The following SENP6 variants were observed in gnomAD, a reference collection of about 807,000 sequenced individuals.
SENP6 encodes sentrin-specific protease 6.
A neutral mutation model predicts 134.5 loss-of-function variants in SENP6; 41 were observed. The ratio of observed to expected loss-of-function variants is 0.30; its 90% confidence interval spans 0.24 to 0.40. The LOEUF is 0.40. Among genes scored for constraint, SENP6 ranks in the 10% least tolerant of loss-of-function variants. The pLI is 1.00. For missense variants in SENP6, 1,248 were observed against 1,312.5 expected (o/e 0.95, Z 0.76); for synonymous variants, 395 against 429.8 (o/e 0.92, Z 1.00).
chr6:75,605,457 A>G (rs1350163353), intron 1 of SENP6, among the ~76,000 whole-genome samples: 1 of 152,260 alleles, frequency 6.6e-6, no homozygotes, highest in Non-Finnish European at 1.5e-5. Context: ...GAAATAAACC[A>G]GATGATAAAC....
intron 18 of SENP6, among the ~76,000 whole-genome samples, chr6:75,699,354 C>CTTT (rs71544060): frequency 0.17 from 20,019 of 114,396 alleles, 2,469 homozygotes; most frequent in African/African-American, 0.29. Flanking sequence ...TTTGTTTTTG[C>CTTT]TTTTTTTTTT....
intron 16 of SENP6, among the ~76,000 whole-genome samples, chr6:75,686,185 A>G (rs989213780): frequency 6.6e-6 from 1 of 151,046 alleles, no homozygotes; most frequent in African/African-American, 2.4e-5. Context: ...CTGTTGGTTT[A>G]AAGTCTGTTT....
rs759766969 is a variant in SENP6 at position 75,713,601 on chromosome 6, C to T, written c.2978+20C>T. On this transcript the variant is annotated intron_variant, in intron 22 of 23. Coordinates refer to ENST00000447266, the MANE Select transcript of SENP6 (RefSeq NM_015571.4). Reference sequence around the variant, plus strand: ...AAGAGAGTAAGTTCACACTTTATTTCGTATTCTGATGGGGATGAAGAACTA... The same window carrying T: ...AAGAGAGTAAGTTCACACTTTATTTTGTATTCTGATGGGGATGAAGAACTA... 37 of 1,609,324 alleles carry T rather than the reference C, an allele frequency of 2.3e-5. No homozygotes were observed. The highest frequency in any genetic ancestry group is 6.7e-5 in the Admixed American group (4 of 59,926).
chr6:75,602,560 G>C lies in SENP6; in HGVS notation c.36G>C (p.Glu12Asp), dbSNP rs1236863823. 1 of 1,551,558 alleles carries C rather than the reference G, an allele frequency of 6.4e-7. No homozygotes were observed. The highest frequency in any genetic ancestry group is 2.0e-5 in the Admixed American group (1 of 50,992). The change falls in exon 1 of 24, where the codon GAG becomes GAC. Residue 12 changes from glutamate (E) to aspartate (D), a missense_variant. Physicochemically the swap from Glu to Asp is conservative, Grantham distance 45 (BLOSUM62 2). Around this residue, in one of 3 missense-constraint regions of SENP6, gnomAD observed 733 missense variants for 725.4 expected, o/e 1.01. Transcript: ENST00000447266. ...AAGKSGGSAG[E>D]ITFLEALARS... ...GCAAGAGCGGCGGTAGCGCAGGGGA[G>C]ATTACTTTTCTGGAAGGTACGTCTG...
intron 3 of SENP6, among the ~76,000 whole-genome samples, chr6:75,627,834 G>T (rs529469701): frequency 6.6e-6 from 1 of 152,016 alleles, no homozygotes; most frequent in African/African-American, 2.4e-5. Flanking sequence ...GTGCCACCAC[G>T]CCCGGCTAAT....
intron 1 of SENP6, among the ~76,000 whole-genome samples, chr6:75,615,806 G>C (rs561317978): frequency 8.2e-4 from 125 of 152,314 alleles, no homozygotes; most frequent in African/African-American, 2.9e-3. Flanking sequence ...AAAGAAATTA[G>C]TGGCGAAGCC....
chr6:75,691,669 A>T (rs1774281478), intron 16 of SENP6, among the ~76,000 whole-genome samples: 1 of 151,120 alleles, frequency 6.6e-6, no homozygotes, highest in Non-Finnish European at 1.5e-5. Flanking sequence ...GCGCGATCTC[A>T]GCTCACTGCA....
chr6:75,604,827 A>G (rs369679388), intron 1 of SENP6, among the ~76,000 whole-genome samples: 6 of 151,932 alleles, frequency 3.9e-5, no homozygotes, highest in African/African-American at 1.2e-4. Flanking sequence ...AATCCCAACA[A>G]TTTGGGAGGC....
At chr6:75,617,339 T>C (rs1767938546) in intron 1 of SENP6, among the ~76,000 whole-genome samples, 1 of 143,622 alleles carries the variant, frequency 7.0e-6, no homozygotes, top group Admixed American at 7.5e-5. Context: ...AATGGCGTGA[T>C]CTTGGCTCAC....
Position 75,668,022 on chromosome 6 carries a change from T to C in SENP6, c.1224+1081T>C, listed in dbSNP as rs532089150. Among the ~76,000 whole-genome samples the C allele has an allele frequency of 2.0e-5, 3 of 152,340 alleles. No individual in the cohort carries two copies. The South Asian group carries it at 6.2e-4, about 32-fold the overall frequency. Reference sequence around the variant, plus strand: ...TGTATGTGTTTATACATGTCAGTGTTCATAGGAGTACAGATACAAATATGG... The same window carrying C: ...TGTATGTGTTTATACATGTCAGTGTCCATAGGAGTACAGATACAAATATGG... On this transcript the variant is annotated intron_variant, in intron 10 of 23. Transcript: ENST00000447266.
intron 1 of SENP6, among the ~76,000 whole-genome samples, chr6:75,606,054 G>T (rs77464824): frequency 0.017 from 2,584 of 152,186 alleles, 77 homozygotes; most frequent in African/African-American, 0.06. Flanking sequence ...GGTATTAGTG[G>T]TACTGCCATT....
intron 7 of SENP6, among the ~76,000 whole-genome samples, chr6:75,655,511 G>C (rs1245768816): frequency 1.3e-5 from 2 of 152,036 alleles, no homozygotes; most frequent in African/African-American, 4.8e-5. Context: ...TCCTAGCATA[G>C]ATTAATTTTA....
chr6:75,602,451 C>T lies in SENP6; in HGVS notation c.-74C>T. On this transcript the variant is annotated 5_prime_UTR_variant, in exon 1 of 24. Coordinates refer to ENST00000447266, the MANE Select transcript of SENP6 (RefSeq NM_015571.4). ...CTGCGGCGTCTACCCTCCTCCGGCGCGGCCCCTCATCCCGGCGAGCACGGC... is the reference window on the plus strand; with the variant it reads ...CTGCGGCGTCTACCCTCCTCCGGCGTGGCCCCTCATCCCGGCGAGCACGGC... The T allele has an allele frequency of 2.0e-6, 3 of 1,514,666 alleles. No individual in the cohort carries two copies. The highest frequency in any genetic ancestry group is 2.7e-6 in the Non-Finnish European group (3 of 1,117,292). The allele number at this position is 1,514,666 out of a possible 1,614,324, so 93.8% of individuals were successfully genotyped here.
intron 6 of SENP6, chr6:75,646,374 C>G (rs1015667781): frequency 3.3e-5 from 5 of 152,064 alleles, no homozygotes; most frequent in Non-Finnish European, 7.4e-5. Context: ...TCTGGCATTG[C>G]TATTTAATAA....
rs569257053 is a variant in SENP6, at chr6:75,618,419, C to T, written c.53-3113C>T. 1.8e-4 allele frequency among the ~76,000 whole-genome samples: 28 copies of T among 152,186 alleles called. 1 individual carries two copies. The South Asian group carries it at 5.6e-3, about 30-fold the overall frequency. ...TTGGCTTCTGTAACCTTTTGACATGCCCCTGTCTTTAAAAAAAAATAATGA... is the reference window on the plus strand; with the variant it reads ...TTGGCTTCTGTAACCTTTTGACATGTCCCTGTCTTTAAAAAAAAATAATGA... On this transcript the variant is annotated intron_variant, in intron 1 of 23. Coordinates refer to ENST00000447266, the MANE Select transcript of SENP6 (RefSeq NM_015571.4).
intron 16 of SENP6, among the ~76,000 whole-genome samples, chr6:75,686,706 A>G (rs577090127): frequency 6.6e-6 from 1 of 152,298 alleles, no homozygotes; most frequent in South Asian, 2.1e-4. Flanking sequence ...CTTTCCTTTA[A>G]GAATGTTGAA....
intron 16 of SENP6, among the ~76,000 whole-genome samples, chr6:75,688,499 C>T (rs959773771): frequency 2.6e-5 from 4 of 152,142 alleles, no homozygotes; most frequent in African/African-American, 4.8e-5. Context: ...AGCTGCAGAC[C>T]GGAGCTATTC....
intron 18 of SENP6, among the ~76,000 whole-genome samples, chr6:75,700,383 T>G (rs1175921057): frequency 6.6e-6 from 1 of 152,238 alleles, no homozygotes; most frequent in Non-Finnish European, 1.5e-5. Flanking sequence ...GTGAGGATAT[T>G]TGTAGCTTAG....
chr6:75,711,416 A>AACCTTGTATCCTACTTATGGACTCACTCC lies in SENP6; in HGVS notation c.2909_2909+1insACCTTGTATCCTACTTATGGACTCACTCC (p.Arg980HisfsTer22). ...CATTTAAAGCCTACTATCTGTAAAC[A>AACCTTGTATCCTACTTATGGACTCACTCC]GTAAGCATTAACTGTGTATCTTGAA... On this transcript the variant is annotated frameshift_variant and splice_region_variant. Transcript: ENST00000447266. LOFTEE classifies it high-confidence loss of function. 1 of 1,594,330 alleles carries AACCTTGTATCCTACTTATGGACTCACTCC rather than the reference A, an allele frequency of 6.3e-7. No individual in the cohort carries two copies. The highest frequency in any genetic ancestry group is 8.6e-7 in the Non-Finnish European group (1 of 1,163,424).
Sources: gnomAD v4.1 joint callset for allele counts (sites outside exome capture counted in the v4.1 genomes callset) on GRCh38, gnomAD v4.1.1 for gene constraint, gnomAD v4.1.1 regional missense constraint, MANE v1.5 for transcripts, NCBI Gene and HGNC (gene_info 2026-07-23, HGNC 2026-07-21) for gene names.